Variants in NPAS3 observed in about 807,000 individuals in gnomAD.
The protein encoded by NPAS3 is neuronal PAS domain protein 3, also known as neuronal PAS domain-containing protein 3.
NPAS3 carries 14 observed loss-of-function variants against 73.1 expected under a neutral mutation model. The ratio of observed to expected loss-of-function variants is 0.19; its 90% CI spans 0.13 to 0.30. The LOEUF (loss-of-function observed/expected upper bound fraction) is 0.30, where lower values mean the gene tolerates loss of function less well. Among genes scored for constraint, NPAS3 ranks in the 10% least tolerant of loss-of-function variants. NPAS3 has a pLI of 1.00. For missense variants in NPAS3, 1,096 were observed against 1,250.0 expected, an observed-to-expected ratio of 0.88 and a Z score of 1.86; for synonymous variants, 620 against 541.5, an observed-to-expected ratio of 1.14 and a Z score of -2.01.
chr14:33,623,913 G>A (rs2058151552), intron 5 of NPAS3, among the ~76,000 whole-genome samples: 1 of 152,054 alleles, frequency 6.6e-6, no homozygotes, highest in Non-Finnish European at 1.5e-5. Context: ...AAAAAGAAAT[G>A]CTAAAAGGAC....
At chr14:33,222,668 T>C (rs1199092747) in intron 3 of NPAS3, among the ~76,000 whole-genome samples, 1 of 152,232 alleles carries the variant, frequency 6.6e-6, no homozygotes, top group East Asian at 1.9e-4. Context: ...TTCCTTTTTA[T>C]ATCTCCAGAA....
At chr14:33,419,729 C>T (rs569660776) in intron 4 of NPAS3, among the ~76,000 whole-genome samples, 2 of 151,936 alleles carry the variant, frequency 1.3e-5, no homozygotes, top group Admixed American at 6.6e-5. Flanking sequence ...CTAAGTATAA[C>T]AATTTCTGGG....
chr14:33,062,567 G>A (rs1298473441), intron 2 of NPAS3, among the ~76,000 whole-genome samples: 1 of 152,176 alleles, frequency 6.6e-6, no homozygotes, highest in Non-Finnish European at 1.5e-5. Context: ...TGGTTTCACC[G>A]GAGTGTATAT....
At chr14:33,276,387 C>T (rs1028234121) in intron 3 of NPAS3, among the ~76,000 whole-genome samples, 10 of 152,032 alleles carry the variant, frequency 6.6e-5, no homozygotes, top group African/African-American at 2.4e-4. Flanking sequence ...AATTGGTAAC[C>T]TTCTGCCATA....
At chr14:33,197,368 G>T (rs1040922857) in intron 2 of NPAS3, among the ~76,000 whole-genome samples, 2 of 151,896 alleles carry the variant, frequency 1.3e-5, no homozygotes, top group African/African-American at 4.8e-5. Flanking sequence ...GCTCCCACCT[G>T]CTGTGAGTGA....
chr14:33,271,117 T>C (rs1049119958), intron 3 of NPAS3, among the ~76,000 whole-genome samples: 22 of 152,316 alleles, frequency 1.4e-4, no homozygotes, highest in African/African-American at 5.3e-4. Flanking sequence ...GACAGTCATA[T>C]AGAAATACGA....
intron 1 of NPAS3, among the ~76,000 whole-genome samples, chr14:32,985,097 T>A (rs896125341): frequency 6.8e-6 from 1 of 148,078 alleles, no homozygotes; most frequent in Non-Finnish European, 1.5e-5. Context: ...TTTGTTGATA[T>A]TCATGGGGGC....
intron 2 of NPAS3, among the ~76,000 whole-genome samples, chr14:33,129,391 A>G (rs561526991): frequency 2.9e-4 from 44 of 152,186 alleles, no homozygotes; most frequent in Non-Finnish European, 5.4e-4. Context: ...TATTGATAGC[A>G]TATCCAAAAA....
At chr14:33,004,849 CTT>C (rs2038944376) in intron 1 of NPAS3, among the ~76,000 whole-genome samples, 1 of 20,626 alleles carries the variant, frequency 4.8e-5, no homozygotes, top group East Asian at 1.6e-3. Context: ...TTTTAAAACT[CTT>C]TTACTAAAAA....
intron 3 of NPAS3, among the ~76,000 whole-genome samples, chr14:33,299,823 T>G (rs1398552290): frequency 1.3e-5 from 2 of 152,240 alleles, no homozygotes; most frequent in Non-Finnish European, 2.9e-5. Flanking sequence ...TTATTTGACC[T>G]TATTCAATGA....
intron 4 of NPAS3, among the ~76,000 whole-genome samples, chr14:33,375,832 TA>T (rs1201303771): frequency 6.6e-6 from 1 of 152,270 alleles, no homozygotes; most frequent in Admixed American, 6.5e-5. Flanking sequence ...ATAGGGTTTA[TA>T]AAAGAGATGT....
chr14:33,265,615 C>A (rs186114613), intron 3 of NPAS3, among the ~76,000 whole-genome samples: 1 of 152,040 alleles, frequency 6.6e-6, no homozygotes, highest in Admixed American at 6.6e-5. Context: ...CCAGTACTAG[C>A]GGGGAAGTAC....
chr14:33,349,353 A>T (rs1378992954), intron 3 of NPAS3, among the ~76,000 whole-genome samples: 1 of 152,216 alleles, frequency 6.6e-6, no homozygotes, highest in Non-Finnish European at 1.5e-5. Flanking sequence ...AATTCTTTCT[A>T]TGATAGAATT....
At chr14:33,436,543 T>G (rs1199736163) in intron 4 of NPAS3, among the ~76,000 whole-genome samples, 1 of 152,186 alleles carries the variant, frequency 6.6e-6, no homozygotes, top group Non-Finnish European at 1.5e-5. Flanking sequence ...TTTATCTTGT[T>G]TCATTGTGTC....
chr14:33,778,625 A>G, intron 9 of NPAS3, 53 bp downstream of exon 9: 1 of 1,243,526 alleles, frequency 8.0e-7, no homozygotes, highest in Non-Finnish European at 1.2e-6. Context: ...GCAATCTCTG[A>G]GGCTTGTTTG....
chr14:33,341,095 A>G (rs367668813), intron 3 of NPAS3, among the ~76,000 whole-genome samples: 2 of 152,360 alleles, frequency 1.3e-5, no homozygotes, highest in African/African-American at 2.4e-5. Flanking sequence ...TTTGGCCTGT[A>G]AATTGCATGC....
chr14:32,953,500 A>G (rs552606661), intron 1 of NPAS3, among the ~76,000 whole-genome samples: 2 of 152,246 alleles, frequency 1.3e-5, no homozygotes, highest in South Asian at 4.1e-4. Flanking sequence ...GCTTCAGGAA[A>G]TCCAATAATC....
chr14:33,780,082 T>G (rs951755273), intron 9 of NPAS3, among the ~76,000 whole-genome samples: 9 of 152,224 alleles, frequency 5.9e-5, no homozygotes, highest in Admixed American at 4.6e-4. Flanking sequence ...AACCCTGCGT[T>G]AGCAACACTG....
intron 5 of NPAS3, among the ~76,000 whole-genome samples, chr14:33,661,386 G>A (rs1228264899): frequency 6.6e-6 from 1 of 152,122 alleles, no homozygotes; most frequent in Non-Finnish European, 1.5e-5. Context: ...GTTGCTAAGG[G>A]CTCTAACCCT....
Sources: gnomAD v4.1 joint callset for allele counts (sites outside exome capture counted in the v4.1 genomes callset) on GRCh38, gnomAD v4.1.1 for gene constraint, MANE v1.5 for transcripts, NCBI Gene and HGNC (gene_info 2026-07-23, HGNC 2026-07-21) for gene names.